The following EPB41L3 variants were observed in gnomAD, a reference collection of about 807,000 sequenced individuals.
EPB41L3 encodes band 4.1-like protein 3.
Under a neutral mutation model 127.1 loss-of-function variants are expected in EPB41L3, and 57 were observed. That is an observed-to-expected ratio of 0.45 (90% CI 0.36 to 0.56). The LOEUF (loss-of-function observed/expected upper bound fraction) is 0.56. EPB41L3 is among the 20% of genes least tolerant of loss of function. EPB41L3 has a pLI of 0.00. For synonymous variants in EPB41L3, 572 were observed against 549.5 expected, an observed-to-expected ratio of 1.04 and a Z score of -0.57; for missense variants, 1,273 against 1,372.2, an observed-to-expected ratio of 0.93 and a Z score of 1.14.
intron 5 of EPB41L3, among the ~76,000 whole-genome samples, chr18:5,440,048 A>C (rs994963805): frequency 6.6e-6 from 1 of 152,346 alleles, no homozygotes; most frequent in Admixed American, 6.5e-5. Flanking sequence ...CTAGGAAAGC[A>C]AGTTTCAACC....
chr18:5,458,773 CAGTT>C (rs2083492044), intron 3 of EPB41L3, among the ~76,000 whole-genome samples: 1 of 152,186 alleles, frequency 6.6e-6, no homozygotes, highest in African/African-American at 2.4e-5. Flanking sequence ...AGCGGACTAA[CAGTT>C]AATAATCCTA....
chr18:5,394,968 G>A (rs575118068), intron 21 of EPB41L3, 99 bp downstream of exon 21: 138 of 1,303,748 alleles, frequency 1.1e-4, no homozygotes, highest in African/African-American at 3.1e-4. Flanking sequence ...AATTTTCTTC[G>A]GAATACATGC....
chr18:5,396,908 G>C (rs2073611117), intron 18 of EPB41L3, 150 bp downstream of exon 18: 3 of 792,808 alleles, frequency 3.8e-6, no homozygotes, highest in African/African-American at 1.7e-5. Context: ...ACTCCTACTA[G>C]GTATGAAAGA....
intron 1 of EPB41L3, chr18:5,521,334 T>C (rs967007112): frequency 2.0e-5 from 3 of 152,236 alleles, no homozygotes; most frequent in African/African-American, 7.2e-5. Flanking sequence ...TGCCTAGTAA[T>C]GTCCACTGGA....
intron 3 of EPB41L3, among the ~76,000 whole-genome samples, chr18:5,571,253 T>C (rs1284944623): frequency 1.3e-5 from 2 of 152,238 alleles, no homozygotes; most frequent in Non-Finnish European, 2.9e-5. Context: ...TAAATTCTAT[T>C]TTCAAATACA....
At chr18:5,516,008 CAAGT>C (rs2092735423) in intron 1 of EPB41L3, among the ~76,000 whole-genome samples, 1 of 150,138 alleles carries the variant, frequency 6.7e-6, no homozygotes, top group African/African-American at 2.5e-5. Flanking sequence ...GAACCAAACG[CAAGT>C]AAGTGCCCAT....
chr18:5,582,054 G>A (rs747580008), intron 3 of EPB41L3, among the ~76,000 whole-genome samples: 10 of 152,150 alleles, frequency 6.6e-5, no homozygotes, highest in Non-Finnish European at 1.5e-5. Context: ...AGGATGAAAA[G>A]GAACATAAAT....
At chr18:5,404,452 A>G (rs927542186) in intron 16 of EPB41L3, among the ~76,000 whole-genome samples, 1 of 152,178 alleles carries the variant, frequency 6.6e-6, no homozygotes, top group Non-Finnish European at 1.5e-5. Context: ...TTTCTTCCTT[A>G]ATTATGCTGA....
intron 1 of EPB41L3, among the ~76,000 whole-genome samples, chr18:5,614,874 T>C (rs1406103253): frequency 6.6e-6 from 1 of 152,234 alleles, no homozygotes; most frequent in East Asian, 1.9e-4. Context: ...AAAATAATTA[T>C]ACATTAGTAA....
rs183202601 is a variant in EPB41L3 at position 5,489,857 on chromosome 18, C to T, written c.-11-663G>A. Reference sequence around the variant, plus strand: ...AATTCTCATCTTCTTCCTGGCTTCCCCCTATTTCCATTGAGTGTTGAAAGG... The same window carrying T: ...AATTCTCATCTTCTTCCTGGCTTCCTCCTATTTCCATTGAGTGTTGAAAGG... On this transcript the variant is annotated intron_variant, in intron 1 of 22. Coordinates refer to ENST00000341928, the MANE Select transcript of EPB41L3 (RefSeq NM_012307.5). Among the ~76,000 whole-genome samples the T allele has an allele frequency of 3.3e-3, 505 of 152,322 alleles. 8 individuals are homozygous for T. The highest frequency in any genetic ancestry group is 7.8e-4 in the Non-Finnish European group (53 of 68,032).
chr18:5,614,331 C>A (rs1010199834), intron 2 of EPB41L3: 3 of 152,244 alleles, frequency 2.0e-5, no homozygotes, highest in South Asian at 2.1e-4. Context: ...TGATCAGATG[C>A]ATATCTGAAT....
intron 1 of EPB41L3, among the ~76,000 whole-genome samples, chr18:5,509,384 T>C (rs1163386903): frequency 6.6e-6 from 1 of 152,236 alleles, no homozygotes; most frequent in Non-Finnish European, 1.5e-5. Context: ...TGTCAGCGGC[T>C]GCCTATGGGT....
At chr18:5,601,252 GAGA>G (rs2094587787) in intron 3 of EPB41L3, among the ~76,000 whole-genome samples, 2 of 152,098 alleles carry the variant, frequency 1.3e-5, no homozygotes, top group South Asian at 2.1e-4. Flanking sequence ...ACTGTAACTA[GAGA>G]AGGAGATAAG....
intron 2 of EPB41L3, among the ~76,000 whole-genome samples, chr18:5,481,129 G>C (rs1401529903): frequency 6.6e-6 from 1 of 152,184 alleles, no homozygotes; most frequent in Non-Finnish European, 1.5e-5. Context: ...AGATGAGACA[G>C]AGCAGCTATT....
intron 3 of EPB41L3, among the ~76,000 whole-genome samples, chr18:5,447,531 A>G (rs966353493): frequency 5.0e-5 from 7 of 140,212 alleles, no homozygotes; most frequent in Non-Finnish European, 1.1e-4. Flanking sequence ...TACTTTCTCT[A>G]TGTGTAAACA....
At chr18:5,491,170 C>G (rs1374888877) in intron 1 of EPB41L3, among the ~76,000 whole-genome samples, 1 of 152,210 alleles carries the variant, frequency 6.6e-6, no homozygotes, top group African/African-American at 2.4e-5. Flanking sequence ...CAAAGCCACT[C>G]ACCCTAGATT....
At chr18:5,469,773 ATTT>A (rs534492142) in intron 3 of EPB41L3, among the ~76,000 whole-genome samples, 6 of 139,060 alleles carry the variant, frequency 4.3e-5, no homozygotes, top group African/African-American at 8.1e-5. Flanking sequence ...TGTAGAATGA[ATTT>A]TTTTTTTTTT....
At chr18:5,598,790 A>T (rs918449950) in intron 3 of EPB41L3, among the ~76,000 whole-genome samples, 1 of 152,182 alleles carries the variant, frequency 6.6e-6, no homozygotes, top group Non-Finnish European at 1.5e-5. Context: ...TGTTGCAGCT[A>T]TTCTCTCTAG....
intron 3 of EPB41L3, 27 bp from the exon 4 acceptor site, chr18:5,445,271 G>A: frequency 6.5e-7 from 1 of 1,550,156 alleles, no homozygotes; most frequent in Non-Finnish European, 8.9e-7. Context: ...AGCAAAGCAA[G>A]TCAATACAAC....
Sources: gnomAD v4.1 joint callset for allele counts (sites outside exome capture counted in the v4.1 genomes callset) on GRCh38, gnomAD v4.1.1 for gene constraint, MANE v1.5 for transcripts, NCBI Gene and HGNC (gene_info 2026-07-23, HGNC 2026-07-21) for gene names.